Variants in RPF2 observed in about 807,000 individuals in gnomAD.
RPF2 encodes ribosome production factor 2 homolog.
A neutral mutation model predicts 38.9 loss-of-function variants in RPF2; 21 were observed. The ratio of observed to expected loss-of-function variants is 0.54; its 90% CI spans 0.38 to 0.78. The LOEUF (loss-of-function observed/expected upper bound fraction) is 0.78. RPF2 is among the 30% of genes least tolerant of loss of function. The pLI is 0.00. For synonymous variants in RPF2, 121 were observed against 126.2 expected, an observed-to-expected ratio of 0.96 and a Z score of 0.28; for missense variants, 314 against 358.1, an observed-to-expected ratio of 0.88 and a Z score of 0.99.
chr6:110,990,873 G>A (rs904084961), intron 3 of RPF2, among the ~76,000 whole-genome samples: 2 of 152,052 alleles, frequency 1.3e-5, no homozygotes, highest in African/African-American at 4.8e-5. Flanking sequence ...GCTCCCAGCT[G>A]GGAACTCTTT....
intron 7 of RPF2, among the ~76,000 whole-genome samples, chr6:111,011,119 A>G (rs935150365): frequency 6.6e-6 from 1 of 152,102 alleles, no homozygotes; most frequent in African/African-American, 2.4e-5. Context: ...TTCTTCCCCT[A>G]CTGTCCATCT....
intron 8 of RPF2, among the ~76,000 whole-genome samples, chr6:111,022,060 TCACTATGGAGTCA>T (rs1772243387): frequency 1.3e-5 from 2 of 152,238 alleles, no homozygotes; most frequent in Admixed American, 6.5e-5. Context: ...GAAATTTTAT[TCACTATGGAGTCA>T]GAGCCATTAA....
At chr6:111,018,861 T>C (rs1025874991) in intron 8 of RPF2, among the ~76,000 whole-genome samples, 3 of 152,200 alleles carry the variant, frequency 2.0e-5, no homozygotes, top group Non-Finnish European at 2.9e-5. Flanking sequence ...TGTATTATAC[T>C]ATACAGTAGA....
rs753642775 is a variant in RPF2, at chr6:111,024,220, A to G, written c.634A>G (p.Ile212Val). The G allele has an allele frequency of 5.6e-6, 9 of 1,609,844 alleles. No individual in the cohort carries two copies. In the Admixed American group the frequency reaches 1.5e-4, roughly 27 times the overall value. ...LKKSGCRTPR[I>V]ELEEMGPSLD... is the part of the protein sequence containing the mutation. ...GAAATCTGGTTGCAGAACACCACGG[A>G]TTGAATTGGAAGAGATGGGACCCTC... The change falls in exon 9 of 10, where the codon ATT becomes GTT. Residue 212 changes from isoleucine (I) to valine (V), a missense_variant. Coordinates refer to ENST00000441448, the MANE Select transcript of RPF2 (RefSeq NM_032194.3).
chr6:111,001,040 G>A (rs538318142), intron 6 of RPF2, among the ~76,000 whole-genome samples: 4 of 152,200 alleles, frequency 2.6e-5, no homozygotes, highest in South Asian at 4.1e-4. Flanking sequence ...ACTTTATCCC[G>A]TGAGTTTGGA....
chr6:111,009,951 G>T (rs1771983695), intron 7 of RPF2, among the ~76,000 whole-genome samples: 1 of 152,046 alleles, frequency 6.6e-6, no homozygotes. Flanking sequence ...GGGATTACAG[G>T]TGTGAGCCCC....
chr6:111,024,696 G>C (rs1043111131), intron 9 of RPF2, among the ~76,000 whole-genome samples: 4 of 135,838 alleles, frequency 2.9e-5, no homozygotes, highest in African/African-American at 1.1e-4. Context: ...GTGGGTGACA[G>C]AGTGAGCCAA....
chr6:110,994,770 CGAGTATGTATGTATATAAA>C (rs1771684051), intron 4 of RPF2, among the ~76,000 whole-genome samples: 1 of 146,010 alleles, frequency 6.8e-6, no homozygotes, highest in South Asian at 2.1e-4. Context: ...CACACACACA[CGAGTATGTATGTATATAAA>C]ACACTCAAGT....
At position 111,027,283 on chromosome 6, in the gene RPF2, T is replaced by C. The variant is rs1193369847; in HGVS notation, c.*1701T>C. 1 of 152,178 alleles carries C rather than the reference T, an allele frequency of 6.6e-6. No individual in the cohort carries two copies. The highest frequency in any genetic ancestry group is 1.5e-5 in the Non-Finnish European group (1 of 68,024). 9.4% of individuals were successfully genotyped at this position (152,178 alleles called of 1,614,324 possible). On this transcript the variant is annotated 3_prime_UTR_variant, in exon 10 of 10. Transcript: ENST00000441448. ...CTTGCCAGAAAAATGAAGGAGCTGG[T>C]ATCATTTATACTTTTTGTTTGATTA...
intron 4 of RPF2, among the ~76,000 whole-genome samples, chr6:110,994,313 C>T (rs1417971509): frequency 2.6e-5 from 4 of 151,306 alleles, no homozygotes; most frequent in East Asian, 2.0e-4. Context: ...GGCTGGGCAC[C>T]GTGGTTCATA....
intron 9 of RPF2, 122 bp downstream of exon 9, chr6:111,024,449 C>T (rs990734161): frequency 3.8e-5 from 34 of 887,724 alleles, no homozygotes; most frequent in Non-Finnish European, 4.3e-5. Context: ...CGCGGTGGCT[C>T]ACGCCTGTAA....
intron 7 of RPF2, among the ~76,000 whole-genome samples, chr6:111,008,845 T>C (rs534647290): frequency 4.6e-5 from 7 of 151,888 alleles, no homozygotes; most frequent in Non-Finnish European, 1.0e-4. Context: ...TTCATTTAAG[T>C]GTCAGATCAT....
rs142335277 is a variant in RPF2, at chr6:110,994,202, G to C, written c.234+2416G>C. 4.9e-3 allele frequency among the ~76,000 whole-genome samples: 747 copies of C among 152,070 alleles called. 4 individuals carry two copies. Among genetic ancestry groups the C allele is most frequent in the South Asian group, 9.5e-3 (46 of 4,824 alleles). On this transcript the variant is annotated intron_variant, in intron 4 of 9. Transcript: ENST00000441448. Reference sequence around the variant, plus strand: ...AGGCAGGAGAATCACTTGAACCCGGGAGGTGGAGGTTGCGGTGAGCCAAGA... The same window carrying C: ...AGGCAGGAGAATCACTTGAACCCGGCAGGTGGAGGTTGCGGTGAGCCAAGA...
At chr6:110,999,532 C>T (rs3904924) in intron 5 of RPF2, among the ~76,000 whole-genome samples, 179 bp from the exon 6 acceptor site, 1 of 151,794 alleles carries the variant, frequency 6.6e-6, no homozygotes, top group Non-Finnish European at 1.5e-5. Context: ...CTTTCCATGA[C>T]TAATATCATA....
intron 7 of RPF2, among the ~76,000 whole-genome samples, chr6:111,015,387 T>A (rs1232920094): frequency 6.6e-6 from 1 of 152,224 alleles, no homozygotes; most frequent in Non-Finnish European, 1.5e-5. Flanking sequence ...TAATAGTCAA[T>A]TTGAACAGCC....
chr6:111,013,529 A>G (rs1293895164), intron 7 of RPF2, among the ~76,000 whole-genome samples: 2 of 152,224 alleles, frequency 1.3e-5, no homozygotes, highest in African/African-American at 4.8e-5. Context: ...CAGACTGAAA[A>G]TCCTTTTATA....
At chr6:111,015,917 C>A in intron 8 of RPF2, 61 bp downstream of exon 8, 2 of 1,294,724 alleles carry the variant, frequency 1.5e-6, no homozygotes, top group Non-Finnish European at 2.2e-6. Context: ...AACTGTGTGA[C>A]TGTTTTTTAG....
intron 8 of RPF2, among the ~76,000 whole-genome samples, chr6:111,020,608 T>G (rs1772214683): frequency 6.6e-6 from 1 of 152,136 alleles, no homozygotes; most frequent in Non-Finnish European, 1.5e-5. Context: ...ATGCCTGTAA[T>G]CCAGTACTTT....
intron 7 of RPF2, among the ~76,000 whole-genome samples, chr6:111,013,703 G>A (rs558968481): frequency 3.3e-5 from 5 of 152,324 alleles, no homozygotes; most frequent in East Asian, 3.9e-4. Context: ...GAAGTACTCT[G>A]ACTTCAGTAA....
Sources: allele counts gnomAD v4.1 joint callset (sites outside exome capture counted in the v4.1 genomes callset), GRCh38; gene constraint gnomAD v4.1.1; transcripts MANE v1.5; gene names NCBI Gene and HGNC (gene_info 2026-07-23, HGNC 2026-07-21).